The following HMCN1 variants were observed in gnomAD, a reference collection of about 807,000 sequenced individuals.
HMCN1 encodes the protein hemicentin-1.
HMCN1 carries 321 observed loss-of-function variants against 625.9 expected under a neutral mutation model. The ratio of observed to expected loss-of-function variants is 0.51; its 90% CI spans 0.47 to 0.56. The LOEUF (loss-of-function observed/expected upper bound fraction) is 0.56. HMCN1 is among the 20% of genes least tolerant of loss of function. The pLI, the probability that HMCN1 is intolerant of heterozygous loss-of-function variation, is 0.00. For missense variants in HMCN1, 6,588 were observed against 6,887.3 expected (o/e 0.96, Z 1.54); for synonymous variants, 2,425 against 2,417.6 (o/e 1.00, Z -0.09).
At chr1:185,859,019 ATGTGTG>A (rs71101981) in intron 2 of HMCN1, among the ~76,000 whole-genome samples, 18,198 of 139,802 alleles carry the variant, frequency 0.13, 1,415 homozygotes, top group East Asian at 0.3. Flanking sequence ...TGGGTTAAAG[ATGTGTG>A]TGTGTGTGTG....
intron 10 of HMCN1, among the ~76,000 whole-genome samples, chr1:185,929,201 T>C (rs1234087564): frequency 1.3e-5 from 2 of 152,152 alleles, no homozygotes; most frequent in East Asian, 3.8e-4. Context: ...GAATAGATTC[T>C]GACATTTAAA....
intron 4 of HMCN1, among the ~76,000 whole-genome samples, chr1:185,866,805 T>C (rs1663274431): frequency 1.3e-5 from 2 of 152,196 alleles, no homozygotes; most frequent in Non-Finnish European, 2.9e-5. Flanking sequence ...TTTAAGTTTC[T>C]AGGAACATAC....
intron 1 of HMCN1, among the ~76,000 whole-genome samples, chr1:185,744,095 T>C (rs1258238722): frequency 6.7e-6 from 1 of 149,946 alleles, no homozygotes; most frequent in Admixed American, 6.7e-5. Flanking sequence ...TTCACGCCAT[T>C]CTCCTGCCTC....
intron 1 of HMCN1, among the ~76,000 whole-genome samples, chr1:185,751,799 T>G (rs531095261): frequency 1.3e-5 from 2 of 152,280 alleles, no homozygotes; most frequent in African/African-American, 4.8e-5. Context: ...TCAATGATCA[T>G]AGCTGTTTTT....
At chr1:186,003,560 T>G (rs1653334599) in intron 28 of HMCN1, among the ~76,000 whole-genome samples, 158 bp from the exon 29 acceptor site, 1 of 152,202 alleles carries the variant, frequency 6.6e-6, no homozygotes, top group Non-Finnish European at 1.5e-5. Flanking sequence ...AACATTTGGG[T>G]ACACAGAAAT....
intron 4 of HMCN1, among the ~76,000 whole-genome samples, chr1:185,886,880 T>G (rs1664690168): frequency 6.6e-6 from 1 of 152,116 alleles, no homozygotes; most frequent in Non-Finnish European, 1.5e-5. Flanking sequence ...TCCAAATAGT[T>G]CTTGTTGGAA....
At chr1:186,141,042 G>A (rs1420266183) in intron 89 of HMCN1, among the ~76,000 whole-genome samples, 1 of 152,120 alleles carries the variant, frequency 6.6e-6, no homozygotes, top group Non-Finnish European at 1.5e-5. Context: ...CAACTAGAAG[G>A]TCCTTTCTGG....
At chr1:185,984,409 A>AGAG in intron 19 of HMCN1, 96 bp downstream of exon 19, 10 of 1,137,666 alleles carry the variant, frequency 8.8e-6, no homozygotes, top group Non-Finnish European at 1.3e-5. Context: ...AATTACAATT[A>AGAG]GATATCTCTC....
At chr1:185,907,044 T>C (rs1666136798) in intron 4 of HMCN1, among the ~76,000 whole-genome samples, 1 of 151,506 alleles carries the variant, frequency 6.6e-6, no homozygotes, top group South Asian at 2.1e-4. Flanking sequence ...AAAGTATGTG[T>C]TCTATATATG....
chr1:185,854,092 C>T (rs1662321291), intron 2 of HMCN1, among the ~76,000 whole-genome samples: 1 of 152,054 alleles, frequency 6.6e-6, no homozygotes, highest in South Asian at 2.1e-4. Flanking sequence ...AAACAGTTTC[C>T]TTGGGAGAAT....
At chr1:186,173,651 A>AAAAG (rs1571462673) in intron 102 of HMCN1, among the ~76,000 whole-genome samples, 4 of 151,058 alleles carry the variant, frequency 2.6e-5, no homozygotes, top group African/African-American at 9.7e-5. Flanking sequence ...AAAAAAAAAA[A>AAAAG]AAAAGAAAAA....
intron 46 of HMCN1, among the ~76,000 whole-genome samples, chr1:186,058,138 G>A (rs1158081670): frequency 6.6e-6 from 1 of 151,940 alleles, no homozygotes; most frequent in East Asian, 1.9e-4. Flanking sequence ...CAAGATGAAG[G>A]TTAAGTAAGG....
At chr1:186,087,909 A>T in intron 60 of HMCN1, 23 bp from the exon 61 acceptor site, 3 of 1,589,390 alleles carry the variant, frequency 1.9e-6, no homozygotes, top group Non-Finnish European at 2.6e-6. Context: ...TGGAGCACAT[A>T]CAATAGTATC....
chr1:186,012,094 A>G (rs978611607), intron 30 of HMCN1, among the ~76,000 whole-genome samples: 1 of 149,336 alleles, frequency 6.7e-6, no homozygotes, highest in African/African-American at 2.4e-5. Flanking sequence ...AACAAAATAC[A>G]CCATTTAACA....
In HMCN1 at chr1:185,921,920, C is replaced by T. The variant is rs182529903; in HGVS notation, c.901-459C>T. Among the ~76,000 whole-genome samples, 63 of 152,240 alleles carry T rather than the reference C, an allele frequency of 4.1e-4. No homozygotes were observed. The South Asian group carries it at 4.1e-3, about 10-fold the overall frequency. On this transcript the variant is annotated intron_variant, in intron 6 of 106. Transcript: ENST00000271588. ...CAGGTTGCCAAAATCTGAAAATGGT[C>T]GGCTCTATTGCTTGCACTGGCTGCA...
intron 8 of HMCN1, among the ~76,000 whole-genome samples, chr1:185,924,130 A>G (rs902069838): frequency 6.8e-6 from 1 of 146,388 alleles, no homozygotes; most frequent in African/African-American, 2.5e-5. Context: ...TACAGGTGAG[A>G]TATTATTTGG....
At chr1:186,172,189 G>A (rs1652277907) in intron 102 of HMCN1, 58 bp downstream of exon 102, 1 of 1,603,060 alleles carries the variant, frequency 6.2e-7, no homozygotes, top group Non-Finnish European at 8.5e-7. Context: ...AGTCAAGTAA[G>A]GCATTCATTT....
At chr1:185,759,835 A>G (rs1360099715) in intron 1 of HMCN1, among the ~76,000 whole-genome samples, 2 of 152,262 alleles carry the variant, frequency 1.3e-5, no homozygotes, top group African/African-American at 4.8e-5. Context: ...TGTCATGGAC[A>G]ATGTAATGGG....
intron 1 of HMCN1, among the ~76,000 whole-genome samples, chr1:185,781,061 C>T (rs554034714): frequency 2.9e-4 from 44 of 152,274 alleles, no homozygotes; most frequent in African/African-American, 7.5e-4. Flanking sequence ...TCAACTTCTT[C>T]CTGGTTTAGT....
Sources: gnomAD v4.1 joint callset for allele counts (sites outside exome capture counted in the v4.1 genomes callset) on GRCh38, gnomAD v4.1.1 for gene constraint, MANE v1.5 for transcripts, NCBI Gene and HGNC (gene_info 2026-07-23, HGNC 2026-07-21) for gene names.